The following GNA14 variants were observed in gnomAD, a reference collection of about 807,000 sequenced individuals.
GNA14 encodes guanine nucleotide-binding protein subunit alpha-14.
A neutral mutation model predicts 42.0 loss-of-function variants in GNA14; 50 were observed. That is an observed-to-expected ratio of 1.19 (90% CI 0.95 to 1.51). The LOEUF (loss-of-function observed/expected upper bound fraction) is 1.51, where lower values mean the gene tolerates loss of function less well. GNA14 is among the 40% of genes most tolerant of loss of function. The probability of loss-of-function intolerance (pLI) is 0.00; values close to 1 mark genes in which losing one functional copy is unlikely to be tolerated. For missense variants in GNA14, 473 were observed against 446.2 expected, an observed-to-expected ratio of 1.06 and a Z score of -0.54; for synonymous variants, 173 against 163.1, an observed-to-expected ratio of 1.06 and a Z score of -0.46.
At chr9:77,540,597 G>A (rs1158505976) in intron 1 of GNA14, among the ~76,000 whole-genome samples, 3 of 152,024 alleles carry the variant, frequency 2.0e-5, no homozygotes, top group Non-Finnish European at 4.4e-5. Context: ...TTATTGTACT[G>A]GAGTCTATCT....
chr9:77,427,412 A>C (rs1835470596), intron 5 of GNA14, among the ~76,000 whole-genome samples: 1 of 152,142 alleles, frequency 6.6e-6, no homozygotes, highest in Non-Finnish European at 1.5e-5. Flanking sequence ...AAATGGGTTA[A>C]TCCTCCACTA....
intron 1 of GNA14, among the ~76,000 whole-genome samples, chr9:77,618,893 A>C (rs940403148): frequency 6.6e-6 from 1 of 151,420 alleles, no homozygotes; most frequent in Non-Finnish European, 1.5e-5. Context: ...TCGGCCTCCC[A>C]AAGTGCTGGG....
At chr9:77,579,776 T>C (rs867529534) in intron 1 of GNA14, among the ~76,000 whole-genome samples, 12 of 152,334 alleles carry the variant, frequency 7.9e-5, no homozygotes, top group South Asian at 2.1e-4. Flanking sequence ...TTTGTTCAAT[T>C]GTGAAGTGCT....
chr9:77,537,426 G>T (rs928305317), intron 1 of GNA14, among the ~76,000 whole-genome samples: 3 of 152,008 alleles, frequency 2.0e-5, no homozygotes, highest in African/African-American at 4.8e-5. Context: ...CTTTTTCTAT[G>T]GCTGAATAGT....
chr9:77,469,907 G>T (rs1304300276), intron 2 of GNA14, among the ~76,000 whole-genome samples: 1 of 152,166 alleles, frequency 6.6e-6, no homozygotes, highest in Non-Finnish European at 1.5e-5. Flanking sequence ...CTGCTCCTTT[G>T]GGAATGATGG....
chr9:77,537,874 C>G (rs1319233599), intron 1 of GNA14, among the ~76,000 whole-genome samples: 1 of 152,094 alleles, frequency 6.6e-6, no homozygotes, highest in Non-Finnish European at 1.5e-5. Context: ...TGTATGCCTT[C>G]TTTTAAAAAC....
At chr9:77,459,162 G>A (rs1454087140) in intron 2 of GNA14, among the ~76,000 whole-genome samples, 2 of 152,144 alleles carry the variant, frequency 1.3e-5, no homozygotes, top group Non-Finnish European at 2.9e-5. Context: ...CTTGAACCCG[G>A]GAGGTGGAGG....
chr9:77,567,912 G>A (rs997378987), intron 1 of GNA14, among the ~76,000 whole-genome samples: 5 of 152,072 alleles, frequency 3.3e-5, no homozygotes, highest in Non-Finnish European at 5.9e-5. Flanking sequence ...AAAAGTTTGT[G>A]ATAATGTTCA....
At chr9:77,608,919 G>GT (rs1422129302) in intron 1 of GNA14, among the ~76,000 whole-genome samples, 4 of 152,026 alleles carry the variant, frequency 2.6e-5, no homozygotes, top group Non-Finnish European at 5.9e-5. Flanking sequence ...TGTTGAAATA[G>GT]CTGATCAAAT....
intron 1 of GNA14, among the ~76,000 whole-genome samples, chr9:77,560,479 GTTTGGTTGGTTTTTTTTGT>G: frequency 2.6e-5 from 4 of 151,766 alleles, no homozygotes; most frequent in African/African-American, 9.7e-5. Flanking sequence ...TTGTTTGTTT[GTTTGGTTGGTTTTTTTTGT>G]AGAGATTGGG....
At chr9:77,549,247 G>A (rs531990956) in intron 1 of GNA14, among the ~76,000 whole-genome samples, 43 of 152,154 alleles carry the variant, frequency 2.8e-4, no homozygotes, top group African/African-American at 9.4e-4. Context: ...AAAGTCTTTC[G>A]ATAGGACATG....
Position 77,494,771 on chromosome 9 carries a change from T to TTTTTG in GNA14, c.309+34293_309+34297dup, listed in dbSNP as rs143044675. On this transcript the variant is annotated intron_variant, in intron 2 of 6. Transcript: ENST00000341700. ...TTCAAATATGCAAAGAGTTGTGGGG[T>TTTTTG]TTTTGTTTTGTTTTGTTTTGTTTTG... Among the ~76,000 whole-genome samples, 105 of 150,064 alleles carry TTTTTG rather than the reference T, an allele frequency of 7.0e-4. 1 individual carries two copies. Among genetic ancestry groups the TTTTTG allele is most frequent in the Admixed American group, 1.6e-3 (24 of 15,032 alleles).
chr9:77,640,082 T>A (rs1824234760), intron 1 of GNA14, among the ~76,000 whole-genome samples: 1 of 152,120 alleles, frequency 6.6e-6, no homozygotes, highest in Non-Finnish European at 1.5e-5. Context: ...GATCCAGGAG[T>A]GCACCCTGAT....
At position 77,434,394 on chromosome 9, in the gene GNA14, C is replaced by G. The variant is rs756089612; in HGVS notation, c.438G>C (p.Glu146Asp). Reference sequence around the variant, plus strand: ...ATTTGGCAGAGTCCGACAGCTGGTACTCCCTCCTCCTGTCGTAACACTCCT... The same window carrying G: ...ATTTGGCAGAGTCCGACAGCTGGTAGTCCCTCCTCCTGTCGTAACACTCCT... Reference protein sequence around the residue: ...GIQECYDRRREYQLSDSAKYY... With the variant: ...GIQECYDRRRDYQLSDSAKYY... The change falls in exon 3 of 7, where the codon GAG (glutamate) becomes GAC (aspartate). Residue 146 changes from glutamate to aspartate, a missense_variant. By Grantham distance (45) the Glu-to-Asp change is conservative. Coordinates refer to ENST00000341700, the MANE Select transcript of GNA14 (RefSeq NM_004297.4). 6.2e-7 allele frequency: 1 copy of G among 1,614,062 alleles called. No homozygotes were observed. The highest frequency in any genetic ancestry group is 8.5e-7 in the Non-Finnish European group (1 of 1,179,952).
chr9:77,535,126 G>A (rs1221113383), intron 1 of GNA14, among the ~76,000 whole-genome samples: 1 of 152,230 alleles, frequency 6.6e-6, no homozygotes, highest in African/African-American at 2.4e-5. Flanking sequence ...GACGGTGCCA[G>A]GCCCTTGGGG....
At chr9:77,446,651 C>T (rs1452024485) in intron 2 of GNA14, among the ~76,000 whole-genome samples, 1 of 152,102 alleles carries the variant, frequency 6.6e-6, no homozygotes, top group Non-Finnish European at 1.5e-5. Flanking sequence ...GGGAGATGCT[C>T]AAGGTGATGG....
chr9:77,633,921 C>T (rs141870215), intron 1 of GNA14, among the ~76,000 whole-genome samples: 1 of 152,238 alleles, frequency 6.6e-6, no homozygotes, highest in East Asian at 1.9e-4. Context: ...AGAATAATGA[C>T]TGAATGTATA....
At chr9:77,605,628 T>G (rs1222420400) in intron 1 of GNA14, among the ~76,000 whole-genome samples, 1 of 152,188 alleles carries the variant, frequency 6.6e-6, no homozygotes, top group African/African-American at 2.4e-5. Flanking sequence ...ACAACATGGA[T>G]GAGCCAGGAG....
At chr9:77,447,629 G>A (rs949656395) in intron 2 of GNA14, among the ~76,000 whole-genome samples, 19 of 152,146 alleles carry the variant, frequency 1.2e-4, no homozygotes, top group Non-Finnish European at 2.6e-4. Flanking sequence ...TAGTAGGGGT[G>A]GGGAGGACTC....
Sources: allele counts gnomAD v4.1 joint callset (sites outside exome capture counted in the v4.1 genomes callset), GRCh38; gene constraint gnomAD v4.1.1; transcripts MANE v1.5; gene names NCBI Gene and HGNC (gene_info 2026-07-23, HGNC 2026-07-21).